The following CCR3 variants were observed in gnomAD, a reference collection of about 807,000 sequenced individuals.
CCR3 encodes C-C chemokine receptor type 3.
For missense variants in CCR3, 419 were observed against 437.5 expected, an observed-to-expected ratio of 0.96 and a Z score of 0.38; for synonymous variants, 203 against 179.2, an observed-to-expected ratio of 1.13 and a Z score of -1.06.
intron 2 of CCR3, among the ~76,000 whole-genome samples, chr3:46,224,219 T>A (rs558883819): frequency 8.3e-4 from 127 of 152,106 alleles, no homozygotes; most frequent in African/African-American, 3.0e-3. Context: ...AACCACTGGT[T>A]TTAATGAGAC....
rs1700579831 is a variant in CCR3 at position 46,264,396 on chromosome 3, A to G, written c.-11-752A>G. The G allele has an allele frequency of 3.3e-6, 5 of 1,531,526 alleles. No homozygotes were observed. The African/African-American group carries it at 6.9e-5, about 21-fold the overall frequency. The allele number at this position is 1,531,526 out of a possible 1,614,324, so 94.9% of individuals were successfully genotyped here. A position where few individuals can be genotyped will look rare whatever the true frequency, so the allele number is the denominator to read the frequency against. ...TGTATTTTTTTCACAGCTGCTGTGG[A>G]TTGGATTATGCCATTTGGAATAAGA... On this transcript the variant is annotated intron_variant, in intron 1 of 1. Coordinates refer to ENST00000395940, the MANE Select transcript of CCR3 (RefSeq NM_178329.3).
chr3:46,254,837 T>A (rs1261505546), intron 1 of CCR3, among the ~76,000 whole-genome samples: 1 of 152,038 alleles, frequency 6.6e-6, no homozygotes, highest in Non-Finnish European at 1.5e-5. Flanking sequence ...CATGGCTGAG[T>A]AGTATACCAT....
chr3:46,213,408 G>C (rs1699739576), intron 2 of CCR3, among the ~76,000 whole-genome samples: 1 of 152,232 alleles, frequency 6.6e-6, no homozygotes, highest in South Asian at 2.1e-4. Context: ...GAAGTCACAT[G>C]ATGCTGCTTT....
chr3:46,217,531 G>A (rs1057186813), intron 2 of CCR3, among the ~76,000 whole-genome samples: 1 of 152,036 alleles, frequency 6.6e-6, no homozygotes, highest in African/African-American at 2.4e-5. Context: ...ATCAGCTCAT[G>A]GAACATTCTC....
chr3:46,232,227 G>C (rs1236508254), intron 2 of CCR3, among the ~76,000 whole-genome samples: 2 of 152,182 alleles, frequency 1.3e-5, no homozygotes, highest in African/African-American at 4.8e-5. Context: ...TCCCTCACGG[G>C]AATGCCCTGA....
rs756122772 is a variant in CCR3, at chr3:46,265,964, T to C, written c.806T>C (p.Phe269Ser). 3.1e-6 allele frequency: 5 copies of C among 1,614,106 alleles called. No individual in the cohort carries two copies. The highest frequency in any genetic ancestry group is 1.3e-5 in the African/African-American group (1 of 75,032). Residue 269 changes from phenylalanine (F) to serine (S), a missense_variant, in exon 2 of 2, where the codon TTT becomes TCT. Transcript: ENST00000395940. ...ILLSSYQSIL[F>S]GNDCERSKHL... ...CTCTCTTCCTATCAATCCATCTTAT[T>C]TGGAAATGACTGTGAGCGGAGCAAG...
chr3:46,246,364 C>T (rs942535888), intron 1 of CCR3, among the ~76,000 whole-genome samples: 15 of 151,928 alleles, frequency 9.9e-5, no homozygotes, highest in African/African-American at 3.6e-4. Flanking sequence ...GGGCTGAGTC[C>T]GAAAAGAGAG....
intron 2 of CCR3, among the ~76,000 whole-genome samples, chr3:46,211,744 C>T (rs907913126): frequency 2.6e-5 from 4 of 151,998 alleles, no homozygotes; most frequent in Admixed American, 2.6e-4. Flanking sequence ...CACACACACA[C>T]TTTTTTTTAC....
In CCR3 at chr3:46,265,679, C is replaced by T. The variant is rs1272759596; in HGVS notation, c.521C>T (p.Thr174Ile). 6.2e-7 allele frequency: 1 copy of T among 1,614,078 alleles called. No individual in the cohort carries two copies. Residue 174 changes from threonine to isoleucine, a missense_variant, in exon 2 of 2, where the codon ACT (threonine) becomes ATT (isoleucine). Physicochemically the swap from Thr to Ile is moderately conservative, Grantham distance 89. Transcript: ENST00000395940. ...CTTCCTGAATTTATCTTCTATGAGA[C>T]TGAAGAGTTGTTTGAAGAGACTCTT... is the stretch of plus-strand genomic sequence containing the variant. Reference protein sequence around the residue: ...AALPEFIFYETEELFEETLCS... With the variant: ...AALPEFIFYEIEELFEETLCS...
Position 46,233,460 on chromosome 3 carries a change from G to A in CCR3, c.-67-8942G>A, listed in dbSNP as rs150495853. On this transcript the variant is annotated intron_variant, in intron 2 of 3. Transcript: ENST00000357422. ...ATTGCTGACCCTTTCCTATTTCTGA[G>A]GTTCTTTGCTTTTCCCCTCCCATGT... Among the ~76,000 whole-genome samples, 27 of 152,242 alleles carry A rather than the reference G, an allele frequency of 1.8e-4. No homozygotes were observed. In the East Asian group the frequency reaches 5.0e-3, roughly 28 times the overall value.
chr3:46,210,833 A>G (rs1699702616), exon 2 of CCR3: 1 of 152,238 alleles, frequency 6.6e-6, no homozygotes, highest in African/African-American at 2.4e-5. Context: ...CAAGAAAACA[A>G]TCTCCAGGTT....
chr3:46,214,428 T>A (rs1033382885), intron 2 of CCR3, among the ~76,000 whole-genome samples: 1 of 152,160 alleles, frequency 6.6e-6, no homozygotes, highest in Non-Finnish European at 1.5e-5. Context: ...ATTGATTTTC[T>A]CTCATCTTGT....
At chr3:46,264,311 A>G (rs1159489610) in intron 1 of CCR3, 5 of 933,062 alleles carry the variant, frequency 5.4e-6, no homozygotes. Flanking sequence ...AATGCTGCTT[A>G]TAATTGTAAT....
At chr3:46,248,891 G>A (rs1700252043) in intron 1 of CCR3, among the ~76,000 whole-genome samples, 1 of 152,204 alleles carries the variant, frequency 6.6e-6, no homozygotes, top group Non-Finnish European at 1.5e-5. Context: ...CAATTTGGTT[G>A]ATAAGGTGCA....
intron 1 of CCR3, among the ~76,000 whole-genome samples, chr3:46,249,191 C>T (rs1347880052): frequency 6.6e-6 from 1 of 151,906 alleles, no homozygotes; most frequent in Non-Finnish European, 1.5e-5. Context: ...GCAAAGGAGG[C>T]TTTGGATTGG....
intron 1 of CCR3, among the ~76,000 whole-genome samples, chr3:46,251,375 G>A (rs113593597): frequency 2.5e-4 from 38 of 152,196 alleles, no homozygotes; most frequent in African/African-American, 8.2e-4. Flanking sequence ...GGGAGAGATT[G>A]AAGTGTGGCG....
chr3:46,211,651 CT>C (rs751040528), intron 2 of CCR3, among the ~76,000 whole-genome samples: 7 of 152,192 alleles, frequency 4.6e-5, no homozygotes, highest in African/African-American at 7.2e-5. Flanking sequence ...TTGCCTACCC[CT>C]GGCGCCTTAT....
rs1157138584 is a variant in CCR3, at chr3:46,262,946, T to C, written c.-11-2202T>C. Among the ~76,000 whole-genome samples, 8 of 152,142 alleles carry C rather than the reference T, an allele frequency of 5.3e-5. No homozygotes were observed. In the East Asian group the frequency reaches 1.5e-3, roughly 29 times the overall value. On this transcript the variant is annotated intron_variant, in intron 1 of 1. Transcript: ENST00000395940. ...CTGGGATTACAGGCATGAGCCAAGG[T>C]CCCCTGCCCATATGAGATTTTCTGT... is the stretch of plus-strand genomic sequence containing the variant.
chr3:46,266,704 A>G lies in CCR3; in HGVS notation c.*478A>G, dbSNP rs1455287675. 5.9e-6 allele frequency: 1 copy of G among 168,864 alleles called. No homozygotes were observed. Among genetic ancestry groups the G allele is most frequent in the Non-Finnish European group, 1.4e-5 (1 of 69,616 alleles). The allele number at this position is 168,864 out of a possible 1,614,324, so 10.5% of individuals were successfully genotyped here. A position where few individuals can be genotyped will look rare whatever the true frequency, so the allele number is the denominator to read the frequency against. On this transcript the variant is annotated 3_prime_UTR_variant, in exon 2 of 2. Transcript: ENST00000395940. ...CAGTGTGAATAAATAATCGTAAGCA[A>G]CATAATGGCATGCCATTCCTGTTCT... is the stretch of plus-strand genomic sequence containing the variant.
Sources: allele counts gnomAD v4.1 joint callset (sites outside exome capture counted in the v4.1 genomes callset), GRCh38; gene constraint gnomAD v4.1.1; transcripts MANE v1.5; gene names NCBI Gene and HGNC (gene_info 2026-07-23, HGNC 2026-07-21).